The following CHID1 variants were observed in gnomAD, a reference collection of about 807,000 sequenced individuals.
CHID1 encodes the protein chitinase domain containing 1, also known as chitinase domain-containing protein 1.
CHID1 carries 44 observed loss-of-function variants against 55.4 expected under a neutral mutation model. The observed-to-expected ratio is 0.79, with a 90% confidence interval of 0.62 to 1.02. CHID1 has a LOEUF of 1.02. Ranked by LOEUF, CHID1 falls within the 50% of genes least tolerant of loss-of-function variation. The pLI is 0.00. For synonymous variants in CHID1, 216 were observed against 212.9 expected, an observed-to-expected ratio of 1.01 and a Z score of -0.13; for missense variants, 491 against 515.3, an observed-to-expected ratio of 0.95 and a Z score of 0.46.
intron 10 of CHID1, among the ~76,000 whole-genome samples, chr11:880,758 G>A (rs1849856936): frequency 6.6e-6 from 1 of 152,216 alleles, no homozygotes; most frequent in Admixed American, 6.5e-5. Flanking sequence ...GCAGGCCTGT[G>A]GGGGACCTGC....
In CHID1 at chr11:885,719, A is replaced by C. The variant is rs1419894288; in HGVS notation, c.702-1550T>G. ...GCCTCCACCCAGGTCCTCTCACCGA[A>C]ACCCAAGATCATTTCTTTTTTATTT... On this transcript the variant is annotated intron_variant, in intron 8 of 12. Coordinates refer to ENST00000323578, the MANE Select transcript of CHID1 (RefSeq NM_023947.4). Among the ~76,000 whole-genome samples the C allele has an allele frequency of 2.0e-5, 3 of 152,230 alleles. No individual in the cohort carries two copies. In the East Asian group the frequency reaches 5.8e-4, roughly 29 times the overall value.
At chr11:910,456 T>C (rs559218315) in intron 1 of CHID1, among the ~76,000 whole-genome samples, 20 of 152,234 alleles carry the variant, frequency 1.3e-4, no homozygotes, top group African/African-American at 4.8e-4. Flanking sequence ...CGCCTAGCTC[T>C]CAGGCTTGCT....
At chr11:895,543 G>A (rs763773665) in intron 7 of CHID1, among the ~76,000 whole-genome samples, 8 of 152,178 alleles carry the variant, frequency 5.3e-5, no homozygotes, top group Admixed American at 2.6e-4. Context: ...TGGTGGCTCC[G>A]AGCGCCCCTA....
intron 7 of CHID1, among the ~76,000 whole-genome samples, chr11:897,869 C>T (rs1349958530): frequency 6.6e-6 from 1 of 151,900 alleles, no homozygotes; most frequent in African/African-American, 2.4e-5. Flanking sequence ...GATCTGGGCA[C>T]CAGGATCCAG....
At chr11:872,142 A>G (rs967337155) in intron 10 of CHID1, among the ~76,000 whole-genome samples, 2 of 152,184 alleles carry the variant, frequency 1.3e-5, no homozygotes, top group Non-Finnish European at 2.9e-5. Flanking sequence ...TCCCCAACCC[A>G]GACAGTTTCC....
chr11:877,195 T>A (rs1171091277), intron 10 of CHID1, among the ~76,000 whole-genome samples: 3 of 152,146 alleles, frequency 2.0e-5, no homozygotes, highest in African/African-American at 7.2e-5. Flanking sequence ...GTAATCAGAA[T>A]TCCTTGGCCC....
rs539572248 is a variant in CHID1 at position 875,131 on chromosome 11, C to T, written c.960-4632G>A. Among the ~76,000 whole-genome samples the T allele has an allele frequency of 5.1e-4, 78 of 152,364 alleles. No homozygotes were observed. Among genetic ancestry groups the T allele is most frequent in the African/African-American group, 1.8e-3 (75 of 41,588 alleles). ...TGAGGCCCCCAGTGCCAGGCCCAGG[C>T]CCCCTCCTGAAGGGAGGACATAGCT... On this transcript the variant is annotated intron_variant, in intron 10 of 12. Coordinates refer to ENST00000323578, the MANE Select transcript of CHID1 (RefSeq NM_023947.4). The surrounding 1 kb of genome is among the most constrained non-coding windows in gnomAD (Gnocchi z 4.7).
chr11:903,405 G>T (rs1266858849), intron 2 of CHID1, among the ~76,000 whole-genome samples: 2 of 152,242 alleles, frequency 1.3e-5, no homozygotes, highest in East Asian at 3.8e-4. Flanking sequence ...CTCCTTGCAT[G>T]TGAGGGTGGA....
chr11:909,573 G>A (rs993311615), intron 1 of CHID1, among the ~76,000 whole-genome samples: 3 of 152,172 alleles, frequency 2.0e-5, no homozygotes, highest in Non-Finnish European at 2.9e-5. Flanking sequence ...TGCACTTTAC[G>A]TCACAGCCCA....
At chr11:870,989 CTTT>C (rs57877062) in intron 10 of CHID1, among the ~76,000 whole-genome samples, 14 of 91,978 alleles carry the variant, frequency 1.5e-4, no homozygotes, top group South Asian at 7.5e-4. Flanking sequence ...GTTTCTGCAC[CTTT>C]TTTTTTTTTT....
At chr11:893,606 T>G in intron 7 of CHID1, 87 bp from the exon 8 acceptor site, 1 of 1,113,044 alleles carries the variant, frequency 9.0e-7, no homozygotes, top group South Asian at 1.5e-5. Flanking sequence ...CAGGGAGGGG[T>G]GGGGCTGGTC....
Position 900,117 on chromosome 11 carries a change from G to A in CHID1, c.440-7C>T, listed in dbSNP as rs1294577337. ...TCAAACAGGAGCCGAGGCACTGCAG[G>A]GGCAACAGACACACACGGGGGCCGT... On this transcript the variant is annotated splice_region_variant and splice_polypyrimidine_tract_variant and intron_variant, in intron 5 of 12. Transcript: ENST00000323578. 1.2e-6 allele frequency: 2 copies of A among 1,609,452 alleles called. No individual in the cohort carries two copies. Among genetic ancestry groups the A allele is most frequent in the African/African-American group, 2.7e-5 (2 of 74,840 alleles).
At chr11:913,150 CG>C (rs200719123), upstream of CHID1, among the ~76,000 whole-genome samples, 4,443 of 150,472 alleles carry the variant, frequency 0.03, 231 homozygotes, top group African/African-American at 0.1. Context: ...TGCCCCCCCC[CG>C]CAAAAAAAAA....
rs1009985767 is a variant in CHID1 at position 874,961 on chromosome 11, G to A, written c.960-4462C>T. On this transcript the variant is annotated intron_variant, in intron 10 of 12. Coordinates refer to ENST00000323578, the MANE Select transcript of CHID1 (RefSeq NM_023947.4). ...GGCTCTGGCCTCAGGAGTGTGTGTC[G>A]AGAGAAGCCCTTCCCAGGACCCCTC... The A allele has an allele frequency of 7.9e-5, 12 of 152,398 alleles. No homozygotes were observed. In the South Asian group the frequency reaches 8.3e-4, roughly 11 times the overall value. The allele number at this position is 152,398 out of a possible 1,614,324, so 9.4% of individuals were successfully genotyped here. A position where few individuals can be genotyped will look rare whatever the true frequency, so the allele number is the denominator to read the frequency against.
Position 875,117 on chromosome 11 carries a change from G to A in CHID1, c.960-4618C>T, listed in dbSNP as rs28640070. Among the ~76,000 whole-genome samples the A allele has an allele frequency of 0.99, 151,067 of 152,374 alleles. 74,903 individuals carry two copies. The highest frequency in any genetic ancestry group is 1 in the Middle Eastern group (294 of 294). ...GCTGTGAGCAATGGTGAGGCCCCCA[G>A]TGCCAGGCCCAGGCCCCCTCCTGAA... On this transcript the variant is annotated intron_variant, in intron 10 of 12. Transcript: ENST00000323578. This position sits in a 1 kb window ranked among gnomAD's most constrained non-coding sequence, Gnocchi z 4.7.
chr11:896,900 C>T (rs1292058383), intron 7 of CHID1, among the ~76,000 whole-genome samples: 39 of 96,926 alleles, frequency 4.0e-4, no homozygotes, highest in East Asian at 7.4e-4. Context: ...TCTCAGCACC[C>T]CCAGCCTCCA....
At chr11:903,146 A>G in intron 2 of CHID1, 35 bp from the exon 3 acceptor site, 2 of 1,598,298 alleles carry the variant, frequency 1.3e-6, no homozygotes, top group Non-Finnish European at 1.7e-6. Flanking sequence ...AGCCTCAGTC[A>G]TCTGTCCACA....
chr11:914,461 C>T, upstream of CHID1: 1 of 1,187,068 alleles, frequency 8.4e-7, no homozygotes, highest in Non-Finnish European at 1.1e-6. Flanking sequence ...GTGAGGAGGC[C>T]TGCAGAGATG....
At position 900,108 on chromosome 11, in the gene CHID1, G is replaced by A; in HGVS notation, c.442C>T (p.Pro148Ser). ...RKHAKGLHIVPRLLFEDWTYD... is the reference protein window; with the variant it reads ...RKHAKGLHIVSRLLFEDWTYD... ...GTCCAGTCCTCAAACAGGAGCCGAG[G>A]CACTGCAGGGGCAACAGACACACAC... The change falls in exon 6 of 13, where the codon CCT becomes TCT. Residue 148 changes from proline (P) to serine (S), a missense_variant and splice_region_variant. Transcript: ENST00000323578. 6.2e-7 allele frequency: 1 copy of A among 1,612,372 alleles called. No homozygotes were observed. The highest frequency in any genetic ancestry group is 2.2e-5 in the East Asian group (1 of 44,874).
Sources: gnomAD v4.1 joint callset for allele counts (sites outside exome capture counted in the v4.1 genomes callset) on GRCh38, gnomAD v4.1.1 for gene constraint, Gnocchi (gnomAD v3.1) non-coding constraint, MANE v1.5 for transcripts, NCBI Gene and HGNC (gene_info 2026-07-23, HGNC 2026-07-21) for gene names.